Variants in OPCML observed in about 807,000 individuals in gnomAD.
OPCML encodes opioid-binding protein/cell adhesion molecule.
A neutral mutation model predicts 37.8 loss-of-function variants in OPCML; 13 were observed. That is an observed-to-expected ratio of 0.34 (90% CI 0.22 to 0.55). The LOEUF (loss-of-function observed/expected upper bound fraction) is 0.55. Ranked by LOEUF, OPCML falls within the 20% of genes least tolerant of loss-of-function variation. The pLI is 0.91. For synonymous variants in OPCML, 176 were observed against 168.8 expected (o/e 1.04, Z -0.33); for missense variants, 341 against 435.6 (o/e 0.78, Z 1.93).
At chr11:133,508,570 G>T (rs1948088385) in intron 1 of OPCML, among the ~76,000 whole-genome samples, 1 of 152,202 alleles carries the variant, frequency 6.6e-6, no homozygotes, top group Admixed American at 6.5e-5. Context: ...TGCAAGTCCA[G>T]CCCACAGGAA....
chr11:133,227,473 C>T (rs1390052546), intron 1 of OPCML, among the ~76,000 whole-genome samples: 2 of 152,126 alleles, frequency 1.3e-5, no homozygotes, highest in Non-Finnish European at 2.9e-5. Context: ...GAATCCCACA[C>T]GTCTCAAGAG....
chr11:133,519,908 G>A (rs1182796880), intron 1 of OPCML, among the ~76,000 whole-genome samples: 3 of 152,186 alleles, frequency 2.0e-5, no homozygotes, highest in Admixed American at 6.5e-5. Flanking sequence ...TCTGCTGCAT[G>A]TGAGACAGAC....
intron 1 of OPCML, among the ~76,000 whole-genome samples, chr11:133,127,105 T>G (rs543772585): frequency 1.3e-5 from 2 of 152,182 alleles, no homozygotes; most frequent in African/African-American, 2.4e-5. Flanking sequence ...AAGCTGTCCT[T>G]AGATCTGCCC....
At chr11:132,879,472 A>G (rs1341808812) in intron 2 of OPCML, among the ~76,000 whole-genome samples, 1 of 152,256 alleles carries the variant, frequency 6.6e-6, no homozygotes, top group Non-Finnish European at 1.5e-5. Context: ...GGAAGGCTTA[A>G]AGTAGAAATC....
chr11:133,274,550 T>G (rs1159519052), intron 1 of OPCML, among the ~76,000 whole-genome samples: 1 of 152,160 alleles, frequency 6.6e-6, no homozygotes, highest in East Asian at 1.9e-4. Context: ...AGTGCCCTGG[T>G]TTTGAACCTA....
At chr11:132,519,272 G>A (rs1319380294) in intron 4 of OPCML, among the ~76,000 whole-genome samples, 4 of 152,122 alleles carry the variant, frequency 2.6e-5, no homozygotes, top group African/African-American at 7.2e-5. Context: ...GAAGGTGGGG[G>A]TCAATGTGAA....
intron 2 of OPCML, among the ~76,000 whole-genome samples, chr11:132,693,272 A>G (rs1335955283): frequency 6.6e-6 from 1 of 152,230 alleles, no homozygotes; most frequent in Non-Finnish European, 1.5e-5. Flanking sequence ...AGGAGACAGC[A>G]TAGTTGTTAC....
chr11:133,379,383 C>T (rs1004101776), intron 1 of OPCML, among the ~76,000 whole-genome samples: 1 of 152,228 alleles, frequency 6.6e-6, no homozygotes, highest in African/African-American at 2.4e-5. Context: ...TTAGAGAGCT[C>T]CCTCTGCGGC....
Position 133,102,425 on chromosome 11 carries a change from C to G in OPCML, c.62-159415G>C, listed in dbSNP as rs115265157. The stretch of plus-strand genomic sequence containing the variant: ...CAGGATGAGACAAGCTCTTAAACAT[C>G]TACTATTCTGGGAAATGCATTCTCA... On this transcript the variant is annotated intron_variant, in intron 1 of 7. Transcript: ENST00000524381. Among the ~76,000 whole-genome samples, 713 of 152,282 alleles carry G rather than the reference C, an allele frequency of 4.7e-3. 10 individuals carry two copies. The highest frequency in any genetic ancestry group is 0.01 in the African/African-American group (427 of 41,562).
intron 2 of OPCML, among the ~76,000 whole-genome samples, chr11:132,667,058 A>G (rs1435939281): frequency 2.0e-5 from 3 of 152,194 alleles, no homozygotes; most frequent in Non-Finnish European, 4.4e-5. Context: ...TCATCAGAGA[A>G]TCAGGCATGA....
chr11:133,499,876 T>TATATATATATA (rs1389927636), intron 1 of OPCML, among the ~76,000 whole-genome samples: 1 of 65,374 alleles, frequency 1.5e-5, no homozygotes, highest in African/African-American at 6.8e-5. Flanking sequence ...ATATATATAT[T>TATATATATATA]TTTTTTTTTT....
chr11:132,597,672 G>A (rs907746948), intron 3 of OPCML, among the ~76,000 whole-genome samples: 4 of 152,174 alleles, frequency 2.6e-5, no homozygotes, highest in African/African-American at 4.8e-5. Context: ...GGTAAATGCT[G>A]TCATCAGGGT....
chr11:133,010,005 G>A (rs1005498309), intron 1 of OPCML, among the ~76,000 whole-genome samples: 3 of 152,116 alleles, frequency 2.0e-5, no homozygotes, highest in South Asian at 2.1e-4. Context: ...TGAAAGTCTC[G>A]CCTCCCCCTA....
chr11:133,267,936 CT>C (rs1941710453), intron 1 of OPCML, among the ~76,000 whole-genome samples: 1 of 152,180 alleles, frequency 6.6e-6, no homozygotes, highest in African/African-American at 2.4e-5. Flanking sequence ...AACTTCTTTT[CT>C]TTATAAATTA....
chr11:132,906,625 C>T (rs185199163), intron 2 of OPCML, among the ~76,000 whole-genome samples: 1 of 152,288 alleles, frequency 6.6e-6, no homozygotes, highest in East Asian at 1.9e-4. Flanking sequence ...ACACACTGTA[C>T]TCTTCTCCTA....
At chr11:132,982,353 T>C (rs769402858) in intron 1 of OPCML, among the ~76,000 whole-genome samples, 2 of 152,148 alleles carry the variant, frequency 1.3e-5, no homozygotes, top group Admixed American at 6.6e-5. Flanking sequence ...ACGCTTATAC[T>C]GCAGTTCCTT....
chr11:132,770,664 G>A (rs1230761397), intron 2 of OPCML, among the ~76,000 whole-genome samples: 2 of 152,146 alleles, frequency 1.3e-5, no homozygotes, highest in Non-Finnish European at 1.5e-5. Flanking sequence ...GCTAAGCCAA[G>A]GAGTCCTCTG....
intron 2 of OPCML, among the ~76,000 whole-genome samples, chr11:132,848,284 C>T (rs1941641764): frequency 6.6e-6 from 1 of 152,214 alleles, no homozygotes; most frequent in South Asian, 2.1e-4. Context: ...AAAGAATATG[C>T]TCCCTGCTGT....
chr11:132,663,839 G>GT (rs1479658952), intron 2 of OPCML, among the ~76,000 whole-genome samples: 5 of 152,074 alleles, frequency 3.3e-5, no homozygotes, highest in African/African-American at 9.7e-5. Context: ...TTTTGTTTTT[G>GT]TTTTTTGTTT....
Sources: gnomAD v4.1 joint callset for allele counts (sites outside exome capture counted in the v4.1 genomes callset) on GRCh38, gnomAD v4.1.1 for gene constraint, MANE v1.5 for transcripts, NCBI Gene and HGNC (gene_info 2026-07-23, HGNC 2026-07-21) for gene names.